The following CDHR2 variants were observed in gnomAD, a reference collection of about 807,000 sequenced individuals.
CDHR2 encodes cadherin related family member 2.
CDHR2 carries 104 observed loss-of-function variants against 138.6 expected under a neutral mutation model. The observed-to-expected ratio is 0.75, with a 90% CI of 0.64 to 0.88. The LOEUF (loss-of-function observed/expected upper bound fraction) is 0.88. CDHR2 is among the 40% of genes least tolerant of loss of function. The probability of loss-of-function intolerance (pLI) is 0.00; values close to 1 mark genes in which losing one functional copy is unlikely to be tolerated. For synonymous variants in CDHR2, 755 were observed against 742.8 expected, an observed-to-expected ratio of 1.02 and a Z score of -0.27; for missense variants, 1,624 against 1,727.6, an observed-to-expected ratio of 0.94 and a Z score of 1.06.
upstream of CDHR2, among the ~76,000 whole-genome samples, chr5:176,546,383 T>A (rs1757585310): frequency 6.6e-6 from 1 of 152,116 alleles, no homozygotes; most frequent in African/African-American, 2.4e-5. Context: ...AATGCAATAG[T>A]CACCACCATG....
chr5:176,576,025 A>G lies in CDHR2; in HGVS notation c.1034A>G (p.Asp345Gly). 1 of 1,613,586 alleles carries G rather than the reference A, an allele frequency of 6.2e-7. No individual in the cohort carries two copies. The highest frequency in any genetic ancestry group is 1.1e-5 in the South Asian group (1 of 91,076). The change falls in exon 12 of 32, where the codon GAC (aspartate) becomes GGC (glycine). Residue 345 changes from aspartate to glycine, a missense_variant. Physicochemically the swap from Asp to Gly is moderately conservative, Grantham distance 94. This residue lies in a region of CDHR2 where 1,061 missense variants were observed against 1,136.6 expected (regional missense o/e 0.93). Transcript: ENST00000261944. The surrounding 1 kb of genome is among the most constrained non-coding windows in gnomAD (Gnocchi z 4.5). ...VSIWVTVRVMDVNDHKPEFYN... is the reference protein window; with the variant it reads ...VSIWVTVRVMGVNDHKPEFYN... ...ATCTGGGTGACAGTGAGAGTGATGG[A>G]CGTCAATGACCACAAACCTGAGTTT...
In CDHR2 at chr5:176,565,323, G is replaced by A; in HGVS notation, c.-15-15G>A. ...GGCCTGAGTCCAGGAGCCATTCCCT[G>A]ACCTCTTCCCTTAGGTCCCTGCGGA... On this transcript the variant is annotated splice_polypyrimidine_tract_variant and intron_variant, in intron 1 of 31. Transcript: ENST00000261944. The A allele has an allele frequency of 1.9e-6, 3 of 1,605,892 alleles. No homozygotes were observed. The highest frequency in any genetic ancestry group is 2.6e-6 in the Non-Finnish European group (3 of 1,172,588).
Position 176,576,579 on chromosome 5 carries a change from CTTTT to C in CDHR2, c.1194+406_1194+409del, listed in dbSNP as rs35790078. The stretch of plus-strand genomic sequence containing the variant: ...TGAGGGTGTGAGGTGGGAGGGTGCT[CTTTT>C]TTTTTTTTTTTGAGATGGAATTTCG... On this transcript the variant is annotated intron_variant, in intron 12 of 31. Coordinates refer to ENST00000261944, the MANE Select transcript of CDHR2 (RefSeq NM_017675.6). This position sits in a 1 kb window ranked among gnomAD's most constrained non-coding sequence, Gnocchi z 4.5. Among the ~76,000 whole-genome samples, 1 of 136,554 alleles carries C rather than the reference CTTTT, an allele frequency of 7.3e-6. No homozygotes were observed. Among genetic ancestry groups the C allele is most frequent in the African/African-American group, 2.7e-5 (1 of 36,774 alleles). 89.6% of individuals were successfully genotyped at this position (136,554 alleles called of 152,430 possible).
Position 176,543,023 on chromosome 5 carries a change from C to T in CDHR2, c.-16+254C>T, listed in dbSNP as rs1757489409. On this transcript the variant is annotated intron_variant, in intron 1 of 31. Transcript: ENST00000510636. The surrounding 1 kb of genome is among the most constrained non-coding windows in gnomAD (Gnocchi z 4.0). ...GCGGGGCGCAGGGCACGCGGGGGCTCGGAGTTCCCCGGGGCTCCCCGAGTT... is the reference window on the plus strand; with the variant it reads ...GCGGGGCGCAGGGCACGCGGGGGCTTGGAGTTCCCCGGGGCTCCCCGAGTT... Among the ~76,000 whole-genome samples, 1 of 151,702 alleles carries T rather than the reference C, an allele frequency of 6.6e-6. No homozygotes were observed. Among genetic ancestry groups the T allele is most frequent in the Non-Finnish European group, 1.5e-5 (1 of 67,834 alleles).
chr5:176,559,072 T>A (rs1206496282), intron 1 of CDHR2, among the ~76,000 whole-genome samples: 2 of 152,164 alleles, frequency 1.3e-5, no homozygotes, highest in Admixed American at 1.3e-4. Context: ...TGGGCTTCCT[T>A]ATAACATGGC....
rs1206882238 is a variant in CDHR2 at position 176,578,148 on chromosome 5, C to A, written c.1574+53C>A. On this transcript the variant is annotated intron_variant, in intron 15 of 31. Coordinates refer to ENST00000261944, the MANE Select transcript of CDHR2 (RefSeq NM_017675.6). ...GGTGGGTGAGCAGGGCCCAGGCCCACCTCTCTGCCTCTCTGCAGAGATAGA... is the reference window on the plus strand; with the variant it reads ...GGTGGGTGAGCAGGGCCCAGGCCCAACTCTCTGCCTCTCTGCAGAGATAGA... 4.0e-6 allele frequency: 6 copies of A among 1,483,114 alleles called. No homozygotes were observed. In the East Asian group the frequency reaches 1.2e-4, roughly 29 times the overall value. 91.9% of individuals were successfully genotyped at this position (1,483,114 alleles called of 1,614,324 possible).
chr5:176,594,850 T>C (rs1314150463), intron 31 of CDHR2, among the ~76,000 whole-genome samples: 1 of 152,028 alleles, frequency 6.6e-6, no homozygotes, highest in Non-Finnish European at 1.5e-5. Context: ...GGTGTGTGTG[T>C]GTGTGCACGC....
chr5:176,588,754 G>T (rs1425899486), intron 21 of CDHR2, among the ~76,000 whole-genome samples: 2 of 151,992 alleles, frequency 1.3e-5, no homozygotes, highest in African/African-American at 4.8e-5. Context: ...GCAGTGGAGG[G>T]GTGTAGGGGG....
At chr5:176,588,637 C>CTGTG (rs113882317) in intron 21 of CDHR2, among the ~76,000 whole-genome samples, 57,064 of 144,922 alleles carry the variant, frequency 0.39, 11,592 homozygotes, top group Non-Finnish European at 0.45. Flanking sequence ...TAGGGTGAGA[C>CTGTG]TGAGTGTGAG....
At chr5:176,592,526 G>GGTA (rs1165939302) in intron 30 of CDHR2, among the ~76,000 whole-genome samples, 197 bp from the exon 31 acceptor site, 1 of 151,394 alleles carries the variant, frequency 6.6e-6, no homozygotes, top group Non-Finnish European at 1.5e-5. Flanking sequence ...TAGTGGTGGT[G>GGTA]GTGGTGTTGG....
chr5:176,573,303 T>A (rs542814769), intron 6 of CDHR2, among the ~76,000 whole-genome samples: 1 of 151,778 alleles, frequency 6.6e-6, no homozygotes, highest in Admixed American at 6.6e-5. Flanking sequence ...AGTTATGTGG[T>A]CTGATTCATG....
chr5:176,556,366 C>G (rs1289894064), intron 1 of CDHR2, among the ~76,000 whole-genome samples: 1 of 152,060 alleles, frequency 6.6e-6, no homozygotes, highest in Non-Finnish European at 1.5e-5. Context: ...AAGACCTTGT[C>G]TCAAGAAACA....
chr5:176,586,700 G>T (rs990419475), intron 20 of CDHR2, 93 bp from the exon 21 acceptor site: 4 of 1,182,458 alleles, frequency 3.4e-6, no homozygotes, highest in African/African-American at 3.0e-5. Flanking sequence ...GGCAGGTTTA[G>T]GGGGATGAGC....
intron 3 of CDHR2, chr5:176,566,992 AGACACCAAGGGGTATT>A (rs1215242918): frequency 2.2e-6 from 1 of 456,194 alleles, no homozygotes; most frequent in Non-Finnish European, 4.4e-6. Flanking sequence ...ATGAAACAAG[AGACACCAAGGGGTATT>A]GACAAATACA....
rs761037030 is a variant in CDHR2 at position 176,565,400 on chromosome 5, G to A, written c.48G>A (p.Val16=). ...LSCFLLPALV[V]SVAANVAPKF... ...GCTTCCTCCTTCCTGCCCTCGTGGT[G>A]TCTGGTAGGTGTCTCCCCTCCCCAG... The change falls in exon 2 of 32, where the codon GTG becomes GTA. Residue 16 remains valine (V), a synonymous_variant. Transcript: ENST00000261944. The A allele has an allele frequency of 3.9e-5, 63 of 1,613,936 alleles. No individual in the cohort carries two copies. The highest frequency in any genetic ancestry group is 5.2e-5 in the Non-Finnish European group (61 of 1,179,940).
At chr5:176,559,926 T>C (rs1757928024) in intron 1 of CDHR2, among the ~76,000 whole-genome samples, 1 of 152,128 alleles carries the variant, frequency 6.6e-6, no homozygotes, top group Non-Finnish European at 1.5e-5. Flanking sequence ...CGGCTTCGTA[T>C]GTGAGAATTA....
At chr5:176,544,738 C>T (rs1339083519), upstream of CDHR2, among the ~76,000 whole-genome samples, 1 of 152,116 alleles carries the variant, frequency 6.6e-6, no homozygotes, top group Non-Finnish European at 1.5e-5. Context: ...GCGCCCAGCC[C>T]CGAGTTCTTT....
chr5:176,590,703 C>T lies in CDHR2; in HGVS notation c.3539+16C>T. 1 of 1,612,310 alleles carries T rather than the reference C, an allele frequency of 6.2e-7. No individual in the cohort carries two copies. ...TGCGGAAGAGGTGCGGCTCCCATTG[C>T]CCCCGTGTCTCCAACCTTCACCCTC... is the stretch of plus-strand genomic sequence containing the variant. On this transcript the variant is annotated intron_variant, in intron 28 of 31. Transcript: ENST00000261944.
At chr5:176,589,214 C>T (rs748007450) in intron 22 of CDHR2, 32 bp downstream of exon 22, 213 of 1,612,526 alleles carry the variant, frequency 1.3e-4, no homozygotes, top group Admixed American at 2.7e-4. Flanking sequence ...AGGGAGGTTG[C>T]GGGGAGGGGC....
Sources: gnomAD v4.1 joint callset for allele counts (sites outside exome capture counted in the v4.1 genomes callset) on GRCh38, gnomAD v4.1.1 for gene constraint, gnomAD v4.1.1 regional missense constraint, Gnocchi (gnomAD v3.1) non-coding constraint, MANE v1.5 for transcripts, NCBI Gene and HGNC (gene_info 2026-07-23, HGNC 2026-07-21) for gene names.